Variants in TSNARE1 observed in about 807,000 individuals in gnomAD.
The protein encoded by TSNARE1 is t-SNARE domain-containing protein 1.
A neutral mutation model predicts 62.0 loss-of-function variants in TSNARE1; 49 were observed. The observed-to-expected ratio is 0.79, with a 90% CI of 0.63 to 1.00. TSNARE1 has a LOEUF of 1.00. Among genes scored for constraint, TSNARE1 ranks in the 50% least tolerant of loss-of-function variants. The probability of loss-of-function intolerance (pLI) is 0.00; values close to 1 mark genes in which losing one functional copy is unlikely to be tolerated. For missense variants in TSNARE1, 755 were observed against 700.1 expected, an observed-to-expected ratio of 1.08 and a Z score of -0.88; for synonymous variants, 328 against 294.4, an observed-to-expected ratio of 1.11 and a Z score of -1.17.
intron 10 of TSNARE1, among the ~76,000 whole-genome samples, chr8:142,293,141 G>A (rs1824089834): frequency 6.6e-6 from 1 of 152,174 alleles, no homozygotes; most frequent in South Asian, 2.1e-4. Context: ...CGCACCGCAG[G>A]CCATCAGCAG....
intron 11 of TSNARE1, chr8:142,276,978 G>A (rs1161617241): frequency 1.0e-6 from 1 of 985,478 alleles, no homozygotes; most frequent in Non-Finnish European, 1.2e-6. Flanking sequence ...GATGCACAAG[G>A]GGAGGGGGGC....
At chr8:142,362,274 G>A (rs1023742636) in intron 1 of TSNARE1, among the ~76,000 whole-genome samples, 1 of 152,224 alleles carries the variant, frequency 6.6e-6, no homozygotes, top group Non-Finnish European at 1.5e-5. Flanking sequence ...GGCCTCAGGG[G>A]TTGCTGCTGG....
chr8:142,267,508 G>C (rs1819197262), intron 12 of TSNARE1, among the ~76,000 whole-genome samples: 1 of 152,128 alleles, frequency 6.6e-6, no homozygotes. Context: ...CCTGGTTCAA[G>C]GCCTGCCTCT....
chr8:142,285,969 G>T (rs914521939), intron 10 of TSNARE1, among the ~76,000 whole-genome samples: 1 of 152,192 alleles, frequency 6.6e-6, no homozygotes, highest in Non-Finnish European at 1.5e-5. Context: ...ACAGAGCAGG[G>T]ATTGGGGGCT....
chr8:142,395,506 A>G (rs1024110904), intron 1 of TSNARE1, among the ~76,000 whole-genome samples: 1 of 152,190 alleles, frequency 6.6e-6, no homozygotes, highest in Admixed American at 6.5e-5. Context: ...AGGGGCTGGA[A>G]AGCCCATGGA....
intron 10 of TSNARE1, among the ~76,000 whole-genome samples, chr8:142,289,983 T>A (rs1441706696): frequency 6.6e-6 from 1 of 152,130 alleles, no homozygotes; most frequent in African/African-American, 2.4e-5. Context: ...GGCAGGCAGC[T>A]AGCATGGGTG....
At chr8:142,280,144 C>A in intron 11 of TSNARE1, 1 of 1,071,888 alleles carries the variant, frequency 9.3e-7, no homozygotes, top group South Asian at 2.3e-5. Context: ...GTAGTGGCGC[C>A]GCACCCTCTG....
intron 13 of TSNARE1, among the ~76,000 whole-genome samples, chr8:142,217,987 A>C (rs773569625): frequency 3.7e-3 from 225 of 61,162 alleles, no homozygotes; most frequent in African/African-American, 5.4e-3. Flanking sequence ...CAGGGCTCAG[A>C]GTATGAGCAG....
At chr8:142,233,672 G>T (rs1270839433) in intron 12 of TSNARE1, among the ~76,000 whole-genome samples, 4 of 152,200 alleles carry the variant, frequency 2.6e-5, no homozygotes, top group African/African-American at 4.8e-5. Flanking sequence ...TCCCCTGTCT[G>T]CTCTGCCTCT....
At chr8:142,306,091 A>T (rs1275559542) in intron 9 of TSNARE1, among the ~76,000 whole-genome samples, 1 of 152,196 alleles carries the variant, frequency 6.6e-6, no homozygotes, top group Non-Finnish European at 1.5e-5. Context: ...CAGGAGCCCC[A>T]GATAGCTCAC....
chr8:142,272,595 TCCAC>T, intron 12 of TSNARE1: 2 of 597,324 alleles, frequency 3.3e-6, no homozygotes, highest in African/African-American at 5.8e-5. Context: ...CCTCCTTCCA[TCCAC>T]CCACCCATCT....
intron 12 of TSNARE1, among the ~76,000 whole-genome samples, chr8:142,233,888 C>T (rs1817253416): frequency 6.6e-6 from 1 of 152,134 alleles, no homozygotes; most frequent in African/African-American, 2.4e-5. Flanking sequence ...ACAGAACCAG[C>T]CACTGCACCC....
At chr8:142,261,382 A>AGAGGGGGGAGGGAGGGATAGTGGGAG (rs1586888596) in intron 12 of TSNARE1, among the ~76,000 whole-genome samples, 1 of 54,806 alleles carries the variant, frequency 1.8e-5, no homozygotes, top group East Asian at 6.5e-4. Flanking sequence ...GATGGAGGAG[A>AGAGGGGGGAGGGAGGGATAGTGGGAG]GAGGGGGGAG....
chr8:142,273,967 C>T, intron 12 of TSNARE1: 1 of 985,280 alleles, frequency 1.0e-6, no homozygotes, highest in Non-Finnish European at 1.2e-6. Flanking sequence ...ACTGCACCAT[C>T]TCGTCTGCCA....
chr8:142,348,715 C>T (rs1412406586), intron 2 of TSNARE1, among the ~76,000 whole-genome samples: 6 of 150,934 alleles, frequency 4.0e-5, no homozygotes, highest in Admixed American at 2.0e-4. Context: ...GCCAGGTTAT[C>T]GTGAGGCTGA....
chr8:142,332,141 C>CTGCA (rs1278784993), intron 4 of TSNARE1, among the ~76,000 whole-genome samples: 1 of 152,236 alleles, frequency 6.6e-6, no homozygotes, highest in African/African-American at 2.4e-5. Flanking sequence ...CTACGAGCAC[C>CTGCA]TGCACGTGGA....
intron 6 of TSNARE1, 147 bp downstream of exon 6, chr8:142,330,754 G>T: frequency 2.7e-6 from 2 of 745,100 alleles, no homozygotes; most frequent in Non-Finnish European, 4.5e-6. Context: ...AGGCGTGTGT[G>T]CATATGTGCG....
intron 12 of TSNARE1, among the ~76,000 whole-genome samples, chr8:142,259,572 C>T (rs1308805316): frequency 6.6e-6 from 1 of 152,250 alleles, no homozygotes; most frequent in East Asian, 1.9e-4. Context: ...CCCGCGGACA[C>T]TGCAGGCAGC....
At chr8:142,278,096 C>T (rs1453169923) in intron 11 of TSNARE1, 3 of 985,300 alleles carry the variant, frequency 3.0e-6, no homozygotes, top group African/African-American at 1.7e-5. Context: ...CCAGCCCCAC[C>T]CCATCAGGAG....
Sources: allele counts gnomAD v4.1 joint callset (sites outside exome capture counted in the v4.1 genomes callset), GRCh38; gene constraint gnomAD v4.1.1; transcripts MANE v1.5; gene names NCBI Gene and HGNC (gene_info 2026-07-23, HGNC 2026-07-21).